The following ABTB3 variants were observed in gnomAD, a reference collection of about 807,000 sequenced individuals.
ABTB3 encodes the protein ankyrin repeat and BTB domain containing 3, also known as ankyrin repeat- and BTB/POZ domain-containing protein 3.
At chr12:107,608,928 A>AAAAT in the ABTB3 span, among the ~76,000 whole-genome samples, 5 of 84,146 alleles carry the variant, frequency 5.9e-5, no homozygotes, top group African/African-American at 2.3e-4. Context: ...AAAATAAAAT[A>AAAAT]AAATAAAATA....
the ABTB3 span, among the ~76,000 whole-genome samples, chr12:107,560,690 G>C: frequency 3.3e-5 from 5 of 152,208 alleles, no homozygotes; most frequent in African/African-American, 1.2e-4. Context: ...CTGCTCTAGG[G>C]ATTGCCGGTA....
At chr12:107,355,619 G>T in the ABTB3 span, among the ~76,000 whole-genome samples, 1 of 152,132 alleles carries the variant, frequency 6.6e-6, no homozygotes, top group Non-Finnish European at 1.5e-5. Context: ...AGAATATGAT[G>T]TAAAGATATA....
chr12:107,400,030 T>C, the ABTB3 span, among the ~76,000 whole-genome samples: 1 of 152,252 alleles, frequency 6.6e-6, no homozygotes, highest in Non-Finnish European at 1.5e-5. Flanking sequence ...TTCTTTTTTA[T>C]GACTGCATAG....
the ABTB3 span, among the ~76,000 whole-genome samples, chr12:107,330,574 T>C: frequency 6.6e-6 from 1 of 152,204 alleles, no homozygotes; most frequent in Non-Finnish European, 1.5e-5. Flanking sequence ...TTTACAGATG[T>C]GGAAACTGAG....
chr12:107,503,451 G>C, the ABTB3 span, among the ~76,000 whole-genome samples: 1 of 152,062 alleles, frequency 6.6e-6, no homozygotes, highest in Non-Finnish European at 1.5e-5. Flanking sequence ...AGGTGTCAAA[G>C]CATCAGAATA....
At chr12:107,615,539 G>A in the ABTB3 span, among the ~76,000 whole-genome samples, 1 of 152,162 alleles carries the variant, frequency 6.6e-6, no homozygotes, top group East Asian at 1.9e-4. Context: ...TGTGACCCCT[G>A]GTGTTTGTGT....
the ABTB3 span, among the ~76,000 whole-genome samples, chr12:107,530,441 T>A: frequency 6.6e-6 from 1 of 152,230 alleles, no homozygotes; most frequent in Non-Finnish European, 1.5e-5. Flanking sequence ...GCACATGCCA[T>A]AATTCAAAGT....
chr12:107,551,206 C>G, the ABTB3 span, among the ~76,000 whole-genome samples: 1 of 152,290 alleles, frequency 6.6e-6, no homozygotes, highest in South Asian at 2.1e-4. Flanking sequence ...AATGCCCAGC[C>G]CAGGGCTAAT....
At chr12:107,464,220 T>A in the ABTB3 span, among the ~76,000 whole-genome samples, 2 of 115,746 alleles carry the variant, frequency 1.7e-5, no homozygotes, top group Admixed American at 7.9e-5. Context: ...TGTGTGTGTG[T>A]GTGTGTGTGT....
chr12:107,415,585 G>A, the ABTB3 span, among the ~76,000 whole-genome samples: 102 of 151,974 alleles, frequency 6.7e-4, no homozygotes, highest in African/African-American at 2.4e-3. Context: ...GCAGGTGCCT[G>A]TAGTCCCAGC....
At chr12:107,490,462 C>T in the ABTB3 span, among the ~76,000 whole-genome samples, 1 of 152,114 alleles carries the variant, frequency 6.6e-6, no homozygotes, top group Non-Finnish European at 1.5e-5. Flanking sequence ...CATAGTACTG[C>T]CTCTGGACTT....
chr12:107,641,919 T>C, the ABTB3 span, among the ~76,000 whole-genome samples: 1 of 152,244 alleles, frequency 6.6e-6, no homozygotes, highest in Admixed American at 6.5e-5. Context: ...CAAATTAGAT[T>C]ACGGTATAAT....
chr12:107,543,853 G>C, the ABTB3 span: 1 of 1,304,268 alleles, frequency 7.7e-7, no homozygotes, highest in Non-Finnish European at 1.0e-6. Context: ...CAAGGACCAG[G>C]GTCTCCACAG....
the ABTB3 span, among the ~76,000 whole-genome samples, chr12:107,631,302 T>G: frequency 1.3e-5 from 2 of 152,264 alleles, no homozygotes; most frequent in Non-Finnish European, 2.9e-5. Context: ...TATGGCTGCA[T>G]AGTAGTCCGT....
the ABTB3 span, among the ~76,000 whole-genome samples, chr12:107,560,457 T>C: frequency 2.6e-5 from 4 of 152,236 alleles, no homozygotes; most frequent in South Asian, 4.2e-4. Context: ...TTATGGGAAG[T>C]GTAGGGAACA....
the ABTB3 span, among the ~76,000 whole-genome samples, chr12:107,637,558 A>G: frequency 1.3e-5 from 2 of 152,210 alleles, no homozygotes; most frequent in African/African-American, 4.8e-5. Flanking sequence ...AATATACAGC[A>G]GGTACATTTT....
the ABTB3 span, among the ~76,000 whole-genome samples, chr12:107,443,690 G>A: frequency 6.6e-6 from 1 of 152,066 alleles, no homozygotes; most frequent in Non-Finnish European, 1.5e-5. Flanking sequence ...CGTCGTGTTG[G>A]GAATAGATGC....
At chr12:107,434,502 G>C in the ABTB3 span, among the ~76,000 whole-genome samples, 2 of 152,194 alleles carry the variant, frequency 1.3e-5, no homozygotes, top group Non-Finnish European at 2.9e-5. Flanking sequence ...CATCGAAATA[G>C]TGAAAGCAAA....
At chr12:107,479,778 G>A in the ABTB3 span, among the ~76,000 whole-genome samples, 5 of 152,116 alleles carry the variant, frequency 3.3e-5, no homozygotes, top group Non-Finnish European at 5.9e-5. Context: ...ATAGCCTGTA[G>A]GAGAGTCTAT....
Sources: gnomAD v4.1 joint callset for allele counts (sites outside exome capture counted in the v4.1 genomes callset) on GRCh38, gnomAD v4.1.1 for gene constraint, MANE v1.5 for transcripts, NCBI Gene and HGNC (gene_info 2026-07-23, HGNC 2026-07-21) for gene names.